Variants in LYZL2 observed in about 807,000 individuals in gnomAD.
The protein encoded by LYZL2 is lysozyme-like protein 2.
Under a neutral mutation model 17.1 loss-of-function variants are expected in LYZL2, and 13 were observed. That is an observed-to-expected ratio of 0.76 (90% CI 0.49 to 1.21). The LOEUF is 1.21. Ranked by LOEUF, LYZL2 falls within the 50% of genes most tolerant of loss-of-function variation. The pLI is 0.00. For missense variants in LYZL2, 166 were observed against 189.2 expected, an observed-to-expected ratio of 0.88 and a Z score of 0.72; for synonymous variants, 63 against 74.4, an observed-to-expected ratio of 0.85 and a Z score of 0.79.
chr10:30,611,457 C>T (rs1425505638), downstream of LYZL2, among the ~76,000 whole-genome samples: 4 of 135,680 alleles, frequency 2.9e-5, no homozygotes, highest in African/African-American at 8.6e-5. Flanking sequence ...TGAAATCGTA[C>T]GACTGCACTC....
chr10:30,614,808 T>G (rs1359108715), intron 3 of LYZL2, among the ~76,000 whole-genome samples: 1 of 152,180 alleles, frequency 6.6e-6, no homozygotes, highest in Non-Finnish European at 1.5e-5. Flanking sequence ...TTTCACCTAA[T>G]AATTTCTCTC....
downstream of LYZL2, chr10:30,611,709 AGAAAGAAAGAAAGAAAAGAAAAGAAAG>A: frequency 4.7e-6 from 2 of 425,846 alleles, no homozygotes; most frequent in Non-Finnish European, 7.6e-6. Context: ...AGAAAAAGAA[AGAAAGAAAGAAAGAAAAGAAAAGAAAG>A]GAAAGAAAGA....
At position 30,629,697 on chromosome 10, in the gene LYZL2, G is replaced by A. The variant is rs573396753; in HGVS notation, c.-130C>T. On this transcript the variant is annotated 5_prime_UTR_variant, in exon 1 of 5. The change creates a new upstream start codon in the 5' untranslated region. Coordinates refer to ENST00000647634, the MANE Select transcript of LYZL2 (RefSeq NM_183058.3). ...TCGGTGACAGGCAGCTCAGGGGAGC[G>A]TCCTGCATCCCCTGAAGCCATGTCT... 1.8e-5 allele frequency: 29 copies of A among 1,611,618 alleles called. No individual in the cohort carries two copies. The highest frequency in any genetic ancestry group is 4.5e-5 in the East Asian group (2 of 44,856).
chr10:30,607,202 G>A (rs1025583401), downstream of LYZL2, among the ~76,000 whole-genome samples: 14 of 149,984 alleles, frequency 9.3e-5, no homozygotes, highest in East Asian at 2.0e-3. Context: ...GTGAGCCACC[G>A]CGCCCAGCCT....
chr10:30,611,092 C>T (rs544846523), downstream of LYZL2, among the ~76,000 whole-genome samples: 5 of 152,152 alleles, frequency 3.3e-5, no homozygotes, highest in East Asian at 3.9e-4. Context: ...GTCTTATTTT[C>T]GAATGAGTCT....
chr10:30,609,048 C>T (rs1838404345), downstream of LYZL2, among the ~76,000 whole-genome samples: 1 of 152,192 alleles, frequency 6.6e-6, no homozygotes, highest in South Asian at 2.1e-4. Context: ...TTGTGCTGCC[C>T]AGGCTGGTCT....
At chr10:30,619,843 A>G (rs1838592811) in intron 3 of LYZL2, among the ~76,000 whole-genome samples, 1 of 152,216 alleles carries the variant, frequency 6.6e-6, no homozygotes, top group Non-Finnish European at 1.5e-5. Context: ...AAAAATTAAA[A>G]AAAAGAAAAG....
intron 2 of LYZL2, among the ~76,000 whole-genome samples, 161 bp downstream of exon 2, chr10:30,626,616 G>A (rs1166518509): frequency 6.6e-6 from 1 of 152,122 alleles, no homozygotes; most frequent in Non-Finnish European, 1.5e-5. Context: ...AGGAAGGAGA[G>A]GAGACCCAGA....
In LYZL2 at chr10:30,611,900, C is replaced by T. The variant is rs1291414160; in HGVS notation, c.*55G>A. The T allele has an allele frequency of 4.3e-6, 7 of 1,612,886 alleles. No individual in the cohort carries two copies. The highest frequency in any genetic ancestry group is 1.6e-4 in the Middle Eastern group (1 of 6,078). ...GGACAAGATGACACAGGCATTTGGACATTCACTGCAAACCCTAGGGCGTTG... is the reference window on the plus strand; with the variant it reads ...GGACAAGATGACACAGGCATTTGGATATTCACTGCAAACCCTAGGGCGTTG... On this transcript the variant is annotated 3_prime_UTR_variant, in exon 5 of 5. Transcript: ENST00000647634.
At chr10:30,626,714 G>T (rs1283841757) in intron 2 of LYZL2, 63 bp downstream of exon 2, 1 of 1,602,728 alleles carries the variant, frequency 6.2e-7, no homozygotes, top group Non-Finnish European at 8.5e-7. Context: ...GTGTAGCCAG[G>T]ACCTTCAACA....
chr10:30,606,351 C>CTTT, the LYZL2 span, among the ~76,000 whole-genome samples: 250 of 131,816 alleles, frequency 1.9e-3, 1 homozygote, highest in South Asian at 0.011. Flanking sequence ...ATAATAATTA[C>CTTT]TTTTTTTTTT....
At chr10:30,617,394 G>A (rs1838545270) in intron 3 of LYZL2, among the ~76,000 whole-genome samples, 3 of 152,038 alleles carry the variant, frequency 2.0e-5, no homozygotes, top group Admixed American at 2.0e-4. Context: ...AAAGTATGTC[G>A]ACCGGGCGCG....
chr10:30,612,607 T>C (rs1838461811), intron 4 of LYZL2, among the ~76,000 whole-genome samples: 1 of 152,166 alleles, frequency 6.6e-6, no homozygotes, highest in African/African-American at 2.4e-5. Context: ...AATTGCAAAT[T>C]ATCTTAACTC....
At chr10:30,608,670 G>C (rs980940181), downstream of LYZL2, among the ~76,000 whole-genome samples, 1 of 152,182 alleles carries the variant, frequency 6.6e-6, no homozygotes, top group African/African-American at 2.4e-5. Context: ...GATGTGTGTG[G>C]AATGAAGGTT....
intron 1 of LYZL2, among the ~76,000 whole-genome samples, chr10:30,627,459 T>G (rs1170538339): frequency 6.6e-6 from 1 of 151,910 alleles, no homozygotes; most frequent in Non-Finnish European, 1.5e-5. Flanking sequence ...CCCTTTATGA[T>G]GATCCACTTC....
At chr10:30,622,851 C>T (rs1209385651) in intron 3 of LYZL2, among the ~76,000 whole-genome samples, 1 of 152,316 alleles carries the variant, frequency 6.6e-6, no homozygotes, top group South Asian at 2.1e-4. Context: ...TACTGAAAAA[C>T]AGTAATTACC....
chr10:30,625,862 T>C (rs1838692953), intron 3 of LYZL2, among the ~76,000 whole-genome samples: 1 of 152,168 alleles, frequency 6.6e-6, no homozygotes, highest in African/African-American at 2.4e-5. Context: ...TGTTTGTCCA[T>C]CCCCCTGCTT....
chr10:30,620,073 G>A (rs1838596339), intron 3 of LYZL2, among the ~76,000 whole-genome samples: 1 of 152,180 alleles, frequency 6.6e-6, no homozygotes, highest in South Asian at 2.1e-4. Context: ...CTTCTACAAG[G>A]AGAATAGAAG....
In LYZL2 at chr10:30,611,874, G is replaced by A. The variant is rs1297354238; in HGVS notation, c.*81C>T. On this transcript the variant is annotated 3_prime_UTR_variant, in exon 5 of 5. Coordinates refer to ENST00000647634, the MANE Select transcript of LYZL2 (RefSeq NM_183058.3). ...TTGAGAAGGAATATTGGGAGGAAAC[G>A]GGACAAGATGACACAGGCATTTGGA... 8.1e-6 allele frequency: 13 copies of A among 1,602,852 alleles called. No individual in the cohort carries two copies. In the East Asian group the frequency reaches 1.1e-4, roughly 14 times the overall value.
Sources: allele counts gnomAD v4.1 joint callset (sites outside exome capture counted in the v4.1 genomes callset), GRCh38; gene constraint gnomAD v4.1.1; transcripts MANE v1.5; gene names NCBI Gene and HGNC (gene_info 2026-07-23, HGNC 2026-07-21).